ANO4: variants seen among roughly 807,000 people sequenced by gnomAD.
ANO4 encodes anoctamin-4.
ANO4 carries 69 observed loss-of-function variants against 141.9 expected under a neutral mutation model. The ratio of observed to expected loss-of-function variants is 0.49; its 90% CI spans 0.40 to 0.59. The LOEUF is 0.59. Ranked by LOEUF, ANO4 falls within the 20% of genes least tolerant of loss-of-function variation. The probability of loss-of-function intolerance (pLI) is 0.00; values close to 1 mark genes in which losing one functional copy is unlikely to be tolerated. For synonymous variants in ANO4, 350 were observed against 394.3 expected (o/e 0.89, Z 1.33); for missense variants, 894 against 1,162.2 (o/e 0.77, Z 3.36).
chr12:100,766,152 A>G (rs1225042839), intron 3 of ANO4, among the ~76,000 whole-genome samples: 1 of 152,086 alleles, frequency 6.6e-6, no homozygotes, highest in Non-Finnish European at 1.5e-5. Flanking sequence ...TATTTTACCT[A>G]GCATTCTGTC....
chr12:100,759,117 A>T (rs971586659), intron 3 of ANO4, among the ~76,000 whole-genome samples: 1 of 152,148 alleles, frequency 6.6e-6, no homozygotes, highest in Non-Finnish European at 1.5e-5. Context: ...TCATTTGAGG[A>T]TATGGAAACC....
At chr12:100,831,389 A>G (rs894290156) in intron 1 of ANO4, among the ~76,000 whole-genome samples, 1 of 152,018 alleles carries the variant, frequency 6.6e-6, no homozygotes, top group African/African-American at 2.4e-5. Context: ...ATTTCTTTTG[A>G]TTTTCTGTTT....
intron 3 of ANO4, among the ~76,000 whole-genome samples, chr12:100,764,931 GT>G (rs1346654517): frequency 1.4e-4 from 22 of 152,134 alleles, no homozygotes; most frequent in African/African-American, 4.8e-4. Flanking sequence ...TTCTTTTCTT[GT>G]AGTGTCCTCA....
At chr12:100,758,068 T>G (rs2032692220) in intron 3 of ANO4, among the ~76,000 whole-genome samples, 1 of 152,168 alleles carries the variant, frequency 6.6e-6, no homozygotes, top group African/African-American at 2.4e-5. Flanking sequence ...CTAAACAGGC[T>G]CTTTGGATCA....
intron 5 of ANO4, among the ~76,000 whole-genome samples, chr12:100,956,987 A>C (rs1388237383): frequency 6.6e-6 from 1 of 152,220 alleles, no homozygotes; most frequent in East Asian, 1.9e-4. Context: ...TTTTAAAATT[A>C]ACTCTTTTTA....
chr12:100,950,083 A>T (rs2042907639), intron 5 of ANO4, among the ~76,000 whole-genome samples: 1 of 152,184 alleles, frequency 6.6e-6, no homozygotes, highest in Admixed American at 6.5e-5. Flanking sequence ...CTCTCTCAGC[A>T]TCCAGAACTC....
At chr12:100,875,214 G>A (rs1193079175) in intron 1 of ANO4, among the ~76,000 whole-genome samples, 3 of 152,154 alleles carry the variant, frequency 2.0e-5, no homozygotes. Context: ...CCTGGTGGGA[G>A]GTGACTGGAT....
intron 17 of ANO4, among the ~76,000 whole-genome samples, chr12:101,093,737 C>T (rs1002670281): frequency 3.3e-5 from 5 of 152,040 alleles, no homozygotes; most frequent in East Asian, 1.9e-4. Context: ...AAGGAGGCAT[C>T]GGGTCCACCA....
intron 1 of ANO4, among the ~76,000 whole-genome samples, chr12:100,887,486 T>G (rs1245697425): frequency 6.6e-6 from 1 of 151,864 alleles, no homozygotes; most frequent in Non-Finnish European, 1.5e-5. Context: ...CTCTTGCTCC[T>G]AAAGGAGAAA....
chr12:100,869,367 T>C (rs530154366), intron 1 of ANO4, among the ~76,000 whole-genome samples: 105 of 151,992 alleles, frequency 6.9e-4, no homozygotes, highest in Non-Finnish European at 1.3e-3. Flanking sequence ...CAGTGAGAGG[T>C]GATAGGAATG....
At chr12:100,971,093 G>A (rs1363480068) in intron 5 of ANO4, among the ~76,000 whole-genome samples, 1 of 152,094 alleles carries the variant, frequency 6.6e-6, no homozygotes, top group Non-Finnish European at 1.5e-5. Flanking sequence ...TACCTCCCTT[G>A]TTTACAGCTG....
At chr12:101,016,518 A>AAATTAGATTTAG in intron 8 of ANO4, among the ~76,000 whole-genome samples, 1 of 152,262 alleles carries the variant, frequency 6.6e-6, no homozygotes, top group South Asian at 2.1e-4. Flanking sequence ...TTCCATTTCA[A>AAATTAGATTTAG]AATTAGATTT....
At chr12:101,113,354 G>C (rs1048099279) in intron 24 of ANO4, among the ~76,000 whole-genome samples, 1 of 152,190 alleles carries the variant, frequency 6.6e-6, no homozygotes, top group Non-Finnish European at 1.5e-5. Flanking sequence ...CAAAGATTTA[G>C]AATTTTAACA....
chr12:101,126,813 C>T (rs1472213479), intron 26 of ANO4, 66 bp from the exon 27 acceptor site: 1 of 1,454,664 alleles, frequency 6.9e-7, no homozygotes, highest in East Asian at 2.3e-5. Context: ...CCTTCTTCAG[C>T]CAACTCTCTA....
At chr12:101,063,841 T>G (rs2048462236) in intron 14 of ANO4, among the ~76,000 whole-genome samples, 1 of 149,932 alleles carries the variant, frequency 6.7e-6, no homozygotes, top group Non-Finnish European at 1.5e-5. Flanking sequence ...TTCTCTTATC[T>G]TCTTTCTAAT....
chr12:100,756,667 T>C (rs960027020), intron 3 of ANO4, among the ~76,000 whole-genome samples: 1 of 152,114 alleles, frequency 6.6e-6, no homozygotes, highest in Non-Finnish European at 1.5e-5. Flanking sequence ...TTTTTTCACT[T>C]GTTTTCTCTG....
chr12:100,895,041 G>A (rs1410903603), intron 1 of ANO4, among the ~76,000 whole-genome samples: 1 of 151,594 alleles, frequency 6.6e-6, no homozygotes, highest in Non-Finnish European at 1.5e-5. Flanking sequence ...GTAACCAAGA[G>A]AGTTCCCACC....
chr12:100,932,750 G>C (rs1027336128), intron 3 of ANO4, among the ~76,000 whole-genome samples: 2 of 152,054 alleles, frequency 1.3e-5, no homozygotes, highest in African/African-American at 4.8e-5. Context: ...CCTCCATCCT[G>C]GGATGATGTA....
At chr12:101,086,285 G>T (rs11611390) in intron 16 of ANO4, among the ~76,000 whole-genome samples, 1 of 152,158 alleles carries the variant, frequency 6.6e-6, no homozygotes, top group African/African-American at 2.4e-5. Context: ...TGCAGGCTGC[G>T]TAAGGGTTTT....
Sources: allele counts gnomAD v4.1 joint callset (sites outside exome capture counted in the v4.1 genomes callset), GRCh38; gene constraint gnomAD v4.1.1; transcripts MANE v1.5; gene names NCBI Gene and HGNC (gene_info 2026-07-23, HGNC 2026-07-21).